The following BRD10 variants were observed in gnomAD, a reference collection of about 807,000 sequenced individuals.
The protein encoded by BRD10 is uncharacterized bromodomain-containing protein 10.
the BRD10 span, among the ~76,000 whole-genome samples, chr9:5,937,815 T>C: frequency 4.6e-5 from 7 of 152,338 alleles, no homozygotes; most frequent in African/African-American, 1.4e-4. Flanking sequence ...AGTTAAAATC[T>C]AGTTCTTAGT....
chr9:5,920,918 G>C, the BRD10 span: 1 of 1,613,974 alleles, frequency 6.2e-7, no homozygotes, highest in Non-Finnish European at 8.5e-7. Context: ...TGACAAAATA[G>C]GCATAATTCT....
At chr9:5,935,380 G>T in the BRD10 span, among the ~76,000 whole-genome samples, 1 of 152,210 alleles carries the variant, frequency 6.6e-6, no homozygotes, top group East Asian at 1.9e-4. Context: ...CTGTCTTCCA[G>T]CTTTGTAGCG....
At chr9:5,931,829 G>C in the BRD10 span, among the ~76,000 whole-genome samples, 3 of 152,178 alleles carry the variant, frequency 2.0e-5, no homozygotes, top group African/African-American at 7.2e-5. Flanking sequence ...TGGAGAATGT[G>C]AGTCAAGTTT....
the BRD10 span, among the ~76,000 whole-genome samples, chr9:5,966,987 CAT>C: frequency 2.0e-5 from 3 of 152,158 alleles, no homozygotes; most frequent in Admixed American, 1.3e-4. Context: ...ACATTATATA[CAT>C]GTTTTAAAAC....
the BRD10 span, among the ~76,000 whole-genome samples, chr9:5,887,966 G>A: frequency 6.6e-6 from 1 of 152,094 alleles, no homozygotes; most frequent in Non-Finnish European, 1.5e-5. Context: ...ACCATTTTCA[G>A]TGGTGACTAT....
chr9:5,911,538 TTTTC>T, the BRD10 span, among the ~76,000 whole-genome samples: 8 of 150,430 alleles, frequency 5.3e-5, no homozygotes, highest in African/African-American at 9.8e-5. Flanking sequence ...TTTTCTTTTC[TTTTC>T]TTTTTTTTTT....
chr9:6,007,601 T>A, the BRD10 span: 1 of 1,606,950 alleles, frequency 6.2e-7, no homozygotes, highest in Non-Finnish European at 8.5e-7. Context: ...CCGATCACCA[T>A]CGCCTCCATC....
chr9:5,900,777 G>T, the BRD10 span, among the ~76,000 whole-genome samples: 1 of 152,184 alleles, frequency 6.6e-6, no homozygotes, highest in African/African-American at 2.4e-5. Flanking sequence ...ACAGGAAGTG[G>T]GAAATGATTT....
the BRD10 span, among the ~76,000 whole-genome samples, chr9:5,938,056 A>G: frequency 2.0e-5 from 3 of 152,222 alleles, no homozygotes; most frequent in African/African-American, 7.2e-5. Flanking sequence ...TAATATAAAC[A>G]TGTAATTAAG....
At chr9:5,888,150 C>T in the BRD10 span, among the ~76,000 whole-genome samples, 6 of 152,106 alleles carry the variant, frequency 3.9e-5, no homozygotes, top group Admixed American at 1.3e-4. Flanking sequence ...TGTCATATTC[C>T]GGTGGGGTTT....
At chr9:5,972,613 T>C in the BRD10 span, among the ~76,000 whole-genome samples, 2 of 152,152 alleles carry the variant, frequency 1.3e-5, no homozygotes, top group Non-Finnish European at 2.9e-5. Flanking sequence ...GGCACCTTCC[T>C]CCTCTCTCTT....
chr9:5,891,031 C>T, the BRD10 span: 1 of 152,146 alleles, frequency 6.6e-6, no homozygotes, highest in Non-Finnish European at 1.5e-5. Flanking sequence ...CCCTCATTGC[C>T]CCGCTGATGT....
the BRD10 span, among the ~76,000 whole-genome samples, chr9:5,925,078 G>A: frequency 6.6e-6 from 1 of 152,046 alleles, no homozygotes; most frequent in East Asian, 1.9e-4. Flanking sequence ...TATGTATCTG[G>A]CCAGGCATGG....
At chr9:5,881,365 G>A in the BRD10 span, among the ~76,000 whole-genome samples, 4 of 152,218 alleles carry the variant, frequency 2.6e-5, no homozygotes, top group Non-Finnish European at 4.4e-5. Context: ...AGAGTTGGCC[G>A]CTATGAAGGG....
At chr9:5,921,954 A>C in the BRD10 span, 1 of 1,613,960 alleles carries the variant, frequency 6.2e-7, no homozygotes, top group Non-Finnish European at 8.5e-7. Context: ...GTTTGGCTAA[A>C]AGGTGAAAGA....
the BRD10 span, chr9:5,933,906 T>A: frequency 2.2e-6 from 1 of 463,110 alleles, no homozygotes; most frequent in Non-Finnish European, 4.4e-6. Flanking sequence ...AAGAGGGACA[T>A]AAATAAATTC....
chr9:5,968,773 C>T, the BRD10 span: 1 of 1,613,910 alleles, frequency 6.2e-7, no homozygotes, highest in Non-Finnish European at 8.5e-7. Flanking sequence ...GAAAGGGTCT[C>T]TGTTTATAAA....
the BRD10 span, chr9:5,921,471 T>C: frequency 6.2e-7 from 1 of 1,613,970 alleles, no homozygotes; most frequent in Non-Finnish European, 8.5e-7. Flanking sequence ...GGGGCATTAA[T>C]AAAAACTAAT....
At chr9:5,920,565 A>C in the BRD10 span, 1 of 1,614,022 alleles carries the variant, frequency 6.2e-7, no homozygotes, top group Non-Finnish European at 8.5e-7. Context: ...GAAAGGGACG[A>C]CAATTCAGTT....
Sources: allele counts gnomAD v4.1 joint callset (sites outside exome capture counted in the v4.1 genomes callset), GRCh38; gene constraint gnomAD v4.1.1; transcripts MANE v1.5; gene names NCBI Gene and HGNC (gene_info 2026-07-23, HGNC 2026-07-21).